The following HSD17B4 variants were observed in gnomAD, a reference collection of about 807,000 sequenced individuals.
HSD17B4 encodes peroxisomal multifunctional enzyme type 2.
HSD17B4 carries 70 observed loss-of-function variants against 101.0 expected under a neutral mutation model. The ratio of observed to expected loss-of-function variants is 0.69; its 90% CI spans 0.57 to 0.85. HSD17B4 has a LOEUF of 0.85. HSD17B4 is among the 40% of genes least tolerant of loss of function. The pLI, the probability that HSD17B4 is intolerant of heterozygous loss-of-function variation, is 0.00. For synonymous variants in HSD17B4, 347 were observed against 297.1 expected, an observed-to-expected ratio of 1.17 and a Z score of -1.73; for missense variants, 984 against 892.4, an observed-to-expected ratio of 1.10 and a Z score of -1.31.
intron 2 of HSD17B4, among the ~76,000 whole-genome samples, chr5:119,463,655 CTTTTTTTTTT>C (rs57252147): frequency 3.7e-4 from 11 of 29,690 alleles, no homozygotes; most frequent in Non-Finnish European, 8.9e-4. Context: ...ATTTATATGT[CTTTTTTTTTT>C]TTTTTTTTTT....
At chr5:119,526,679 A>G (rs1753628866) in intron 19 of HSD17B4, among the ~76,000 whole-genome samples, 1 of 151,936 alleles carries the variant, frequency 6.6e-6, no homozygotes, top group Non-Finnish European at 1.5e-5. Flanking sequence ...TTTTGTTACA[A>G]CTATTTTTTA....
intron 2 of HSD17B4, among the ~76,000 whole-genome samples, chr5:119,471,350 CA>C (rs914814305): frequency 2.0e-5 from 3 of 150,698 alleles, no homozygotes; most frequent in African/African-American, 7.3e-5. Context: ...ATTATACTAT[CA>C]AAAAAAAATC....
chr5:119,502,202 C>G (rs1256236224), intron 14 of HSD17B4, 110 bp downstream of exon 14: 1 of 763,644 alleles, frequency 1.3e-6, no homozygotes, highest in Non-Finnish European at 2.3e-6. Flanking sequence ...TGAAACATAT[C>G]ACAAATTGTT....
Position 119,458,216 on chromosome 5 carries a change from C to T in HSD17B4, c.112+1848C>T, listed in dbSNP as rs144653033. The stretch of plus-strand genomic sequence containing the variant: ...TAGTTTAGTATTAAGGAGGAGAATT[C>T]AATCCATGTGGAAGTGCAGAAATTT... On this transcript the variant is annotated intron_variant, in intron 2 of 23. Coordinates refer to ENST00000510025, the MANE Select transcript of HSD17B4 (RefSeq NM_000414.4). Among the ~76,000 whole-genome samples, 803 of 152,256 alleles carry T rather than the reference C, an allele frequency of 5.3e-3. 3 individuals are homozygous for T. The highest frequency in any genetic ancestry group is 0.02 in the Middle Eastern group (6 of 294).
In HSD17B4 at chr5:119,521,978, G is replaced by A. The variant is rs192990207; in HGVS notation, c.1504-3238G>A. On this transcript the variant is annotated intron_variant, in intron 17 of 23. Coordinates refer to ENST00000510025, the MANE Select transcript of HSD17B4 (RefSeq NM_000414.4). ...ATACTTTAAGTTCTAGGGTACATGTGCACAATGTGCAGGTTTGTTACATAC... is the reference window on the plus strand; with the variant it reads ...ATACTTTAAGTTCTAGGGTACATGTACACAATGTGCAGGTTTGTTACATAC... Among the ~76,000 whole-genome samples the A allele has an allele frequency of 6.1e-3, 924 of 151,056 alleles. 15 individuals carry two copies. Among genetic ancestry groups the A allele is most frequent in the African/African-American group, 0.021 (880 of 41,112 alleles).
At position 119,506,184 on chromosome 5, in the gene HSD17B4, A is replaced by G. The variant is rs575508146; in HGVS notation, c.1262-634A>G. Among the ~76,000 whole-genome samples, 14 of 152,216 alleles carry G rather than the reference A, an allele frequency of 9.2e-5. 1 individual carries two copies. The South Asian group carries it at 2.9e-3, about 32-fold the overall frequency. ...CTCCCCTTGTCCTGCACACCTTGAC[A>G]GGCCCCGGTGTGTGATGTTCCCCTC... On this transcript the variant is annotated intron_variant, in intron 14 of 23. Transcript: ENST00000510025.
intron 17 of HSD17B4, among the ~76,000 whole-genome samples, chr5:119,521,088 C>A (rs956212339): frequency 6.6e-6 from 1 of 152,190 alleles, no homozygotes; most frequent in African/African-American, 2.4e-5. Context: ...TGGAAGGTTT[C>A]CCAAGAACGG....
At chr5:119,471,937 A>C (rs1483599484) in intron 2 of HSD17B4, among the ~76,000 whole-genome samples, 1 of 152,176 alleles carries the variant, frequency 6.6e-6, no homozygotes, top group Non-Finnish European at 1.5e-5. Flanking sequence ...GAGGGCAAAC[A>C]CCATTCTTAT....
chr5:119,496,686 A>G, intron 12 of HSD17B4, 40 bp downstream of exon 12: 1 of 1,055,264 alleles, frequency 9.5e-7, no homozygotes, highest in Admixed American at 1.7e-5. Flanking sequence ...CCTTCTCTGG[A>G]GACTTTCCCT....
Position 119,475,747 on chromosome 5 carries a change from T to G in HSD17B4, c.302+20T>G. On this transcript the variant is annotated intron_variant, in intron 5 of 23. Coordinates refer to ENST00000510025, the MANE Select transcript of HSD17B4 (RefSeq NM_000414.4). ...TGCTGGGTGAGTATTTCTTTTTCAT[T>G]TTTAGTGATGTGTGTATAATTTTTT... 1 of 1,591,292 alleles carries G rather than the reference T, an allele frequency of 6.3e-7. No homozygotes were observed. Among genetic ancestry groups the G allele is most frequent in the South Asian group, 1.1e-5 (1 of 90,516 alleles).
chr5:119,530,175 C>T (rs1753943094), intron 21 of HSD17B4, 195 bp downstream of exon 21: 3 of 576,862 alleles, frequency 5.2e-6, no homozygotes, highest in Non-Finnish European at 3.1e-6. Flanking sequence ...TTAAAAAACT[C>T]GTTTTGCAGG....
chr5:119,528,868 G>A (rs938438691), intron 20 of HSD17B4, among the ~76,000 whole-genome samples: 2 of 151,836 alleles, frequency 1.3e-5, no homozygotes, highest in Non-Finnish European at 2.9e-5. Context: ...TTTTCTATTA[G>A]TTTTAGGACT....
intron 13 of HSD17B4, among the ~76,000 whole-genome samples, chr5:119,500,067 T>A (rs1751019090): frequency 2.0e-5 from 3 of 152,200 alleles, no homozygotes; most frequent in Admixed American, 6.5e-5. Context: ...TATACTTTGA[T>A]GAACATGTGA....
At chr5:119,476,007 TACTGAA>T (rs1748549145) in intron 6 of HSD17B4, 137 bp downstream of exon 6, 2 of 676,538 alleles carry the variant, frequency 3.0e-6, no homozygotes, top group East Asian at 5.4e-5. Flanking sequence ...GTAAACTGTA[TACTGAA>T]GACAATGAAT....
At chr5:119,455,875 C>T (rs1754583905) in intron 1 of HSD17B4, among the ~76,000 whole-genome samples, 1 of 152,124 alleles carries the variant, frequency 6.6e-6, no homozygotes, top group Non-Finnish European at 1.5e-5. Context: ...AGTATGGAAG[C>T]TGCCATCCAG....
At chr5:119,525,847 G>A in intron 18 of HSD17B4, 70 bp from the exon 19 acceptor site, 1 of 891,606 alleles carries the variant, frequency 1.1e-6, no homozygotes, top group Non-Finnish European at 1.9e-6. Flanking sequence ...TTAAAGTCCT[G>A]AATTAACTAC....
chr5:119,509,703 G>C (rs1444271804), intron 16 of HSD17B4, among the ~76,000 whole-genome samples: 2 of 152,032 alleles, frequency 1.3e-5, no homozygotes, highest in Non-Finnish European at 2.9e-5. Flanking sequence ...AGGAGTCTTA[G>C]GGAGCCTTGT....
At chr5:119,486,870 C>T (rs1749656696) in intron 8 of HSD17B4, among the ~76,000 whole-genome samples, 1 of 152,012 alleles carries the variant, frequency 6.6e-6, no homozygotes, top group South Asian at 2.1e-4. Flanking sequence ...ATTTCTATTC[C>T]ATTGTAGTTC....
chr5:119,457,956 T>A (rs1442982049), intron 2 of HSD17B4, among the ~76,000 whole-genome samples: 2 of 152,180 alleles, frequency 1.3e-5, no homozygotes, highest in Non-Finnish European at 2.9e-5. Context: ...TTGTAAAAAA[T>A]TTTATAACAG....
Sources: gnomAD v4.1 joint callset for allele counts (sites outside exome capture counted in the v4.1 genomes callset) on GRCh38, gnomAD v4.1.1 for gene constraint, MANE v1.5 for transcripts, NCBI Gene and HGNC (gene_info 2026-07-23, HGNC 2026-07-21) for gene names.